Variants in PCDHGA4 observed in about 807,000 individuals in gnomAD.
PCDHGA4 encodes protocadherin gamma subfamily A, 4.
PCDHGA4 carries 38 observed loss-of-function variants against 54.6 expected under a neutral mutation model. That is an observed-to-expected ratio of 0.70 (90% confidence interval 0.54 to 0.91). PCDHGA4 has a LOEUF of 0.91. Ranked by LOEUF, PCDHGA4 falls within the 40% of genes least tolerant of loss-of-function variation. The pLI is 0.00. For synonymous variants in PCDHGA4, 511 were observed against 512.9 expected, an observed-to-expected ratio of 1.00 and a Z score of 0.05; for missense variants, 1,298 against 1,220.9, an observed-to-expected ratio of 1.06 and a Z score of -0.94.
intron 1 of PCDHGA4, chr5:141,415,740 G>GTTTTTTTT (rs57426385): frequency 1.3e-4 from 79 of 625,006 alleles, no homozygotes; most frequent in African/African-American, 1.8e-4. Flanking sequence ...GTTTATTAAG[G>GTTTTTTTT]TTTTTTTTTT....
Position 141,481,556 on chromosome 5 carries a change from G to A in PCDHGA4, c.2515-13251G>A, listed in dbSNP as rs553126587. Among the ~76,000 whole-genome samples the A allele has an allele frequency of 1.2e-4, 18 of 152,266 alleles. No homozygotes were observed. The South Asian group carries it at 1.4e-3, about 12-fold the overall frequency. On this transcript the variant is annotated intron_variant, in intron 1 of 3. Coordinates refer to ENST00000571252, the MANE Select transcript of PCDHGA4 (RefSeq NM_018917.4). ...GATGGGGCTGGGCTCAGTGGCTCAC[G>A]CCTGTAATCCCAGTACTTAGGGAGG...
intron 1 of PCDHGA4, among the ~76,000 whole-genome samples, chr5:141,446,536 GC>G (rs1043723006): frequency 2.0e-5 from 3 of 152,012 alleles, no homozygotes; most frequent in African/African-American, 7.2e-5. Context: ...GAGTGCAGTG[GC>G]CCTATCTCTG....
intron 1 of PCDHGA4, chr5:141,441,665 A>ACAGTG (rs936537442): frequency 7.5e-6 from 2 of 265,720 alleles, no homozygotes; most frequent in African/African-American, 4.7e-5. Flanking sequence ...CCTTGAGCGC[A>ACAGTG]CAGTGCGCCT....
In PCDHGA4 at chr5:141,398,254, A is replaced by G. The variant is rs868152545; in HGVS notation, c.2514+40633A>G. 5.5e-6 allele frequency: 8 copies of G among 1,465,970 alleles called. No homozygotes were observed. In the African/African-American group the frequency reaches 8.6e-5, roughly 16 times the overall value. The allele number at this position is 1,465,970 out of a possible 1,614,324, so 90.8% of individuals were successfully genotyped here. On this transcript the variant is annotated intron_variant, in intron 1 of 3. Transcript: ENST00000571252. ...CTACAGGATTCCCGAGGAAATGCCC[A>G]AGGGCTCCGTAGTGGGGAACCTCGC... is the stretch of plus-strand genomic sequence containing the variant.
At chr5:141,424,982 G>T (rs2096852076) in intron 1 of PCDHGA4, among the ~76,000 whole-genome samples, 1 of 152,106 alleles carries the variant, frequency 6.6e-6, no homozygotes, top group South Asian at 2.1e-4. Context: ...GGATATTTAT[G>T]TTCCCTTTCA....
At chr5:141,410,481 G>A in intron 1 of PCDHGA4, 2 of 1,613,966 alleles carry the variant, frequency 1.2e-6, no homozygotes, top group Non-Finnish European at 1.7e-6. Context: ...GCACATACGG[G>A]TACAAAAGAG....
At chr5:141,369,356 G>GA (rs1766179891) in intron 1 of PCDHGA4, among the ~76,000 whole-genome samples, 1 of 152,234 alleles carries the variant, frequency 6.6e-6, no homozygotes, top group Non-Finnish European at 1.5e-5. Context: ...GATGTAGTAT[G>GA]AAAAAACATC....
Position 141,491,589 on chromosome 5 carries a change from C to T in PCDHGA4, c.2515-3218C>T. 6.2e-7 allele frequency: 1 copy of T among 1,613,926 alleles called. No homozygotes were observed. The highest frequency in any genetic ancestry group is 8.5e-7 in the Non-Finnish European group (1 of 1,180,024). ...GGACGTGCTTTTCACCGGCCTCGGA[C>T]GGCAGTGACTTCACTTTTCTAAGAC... On this transcript the variant is annotated intron_variant, in intron 1 of 3. Transcript: ENST00000571252. This position sits in a 1 kb window ranked among gnomAD's most constrained non-coding sequence, Gnocchi z 6.9.
chr5:141,395,158 A>G, intron 1 of PCDHGA4: 2 of 1,614,208 alleles, frequency 1.2e-6, no homozygotes, highest in Non-Finnish European at 1.7e-6. Context: ...CTCATCAGTC[A>G]GGAGGGCTGT....
chr5:141,360,540 G>T, intron 1 of PCDHGA4: 1 of 1,613,928 alleles, frequency 6.2e-7, no homozygotes, highest in Non-Finnish European at 8.5e-7. Context: ...TATTCAAACA[G>T]ACTAAGATTA....
In PCDHGA4 at chr5:141,390,024, C is replaced by T. The variant is rs1449274096; in HGVS notation, c.2514+32403C>T. ...GATTCTGGCCATTGCCTTGCGCCTG[C>T]GACGCTCCTCCAGCCCCGCCTCCTG... On this transcript the variant is annotated intron_variant, in intron 1 of 3. Transcript: ENST00000571252. 6 of 1,613,926 alleles carry T rather than the reference C, an allele frequency of 3.7e-6. No homozygotes were observed. In the African/African-American group the frequency reaches 4.0e-5, roughly 11 times the overall value.
intron 1 of PCDHGA4, among the ~76,000 whole-genome samples, chr5:141,460,976 T>C (rs1444476508): frequency 7.6e-6 from 1 of 131,636 alleles, no homozygotes; most frequent in Non-Finnish European, 1.6e-5. Flanking sequence ...TGTGTGTGTG[T>C]GTGTGTGTAT....
At chr5:141,375,282 A>G (rs564045445) in intron 1 of PCDHGA4, 6 of 1,613,866 alleles carry the variant, frequency 3.7e-6, no homozygotes, top group Middle Eastern at 1.6e-4. Flanking sequence ...TCAGTTGGCA[A>G]TTATTATCGA....
chr5:141,463,535 G>A (rs1178825067), intron 1 of PCDHGA4, among the ~76,000 whole-genome samples: 4 of 137,928 alleles, frequency 2.9e-5, no homozygotes, highest in East Asian at 2.3e-4. Context: ...TAGAAACTCC[G>A]GCTCCCGGGT....
intron 1 of PCDHGA4, among the ~76,000 whole-genome samples, chr5:141,480,513 C>T (rs1376669385): frequency 7.9e-6 from 1 of 127,246 alleles, no homozygotes. Context: ...ATGAGAACAA[C>T]CAAAAATGAC....
Position 141,476,013 on chromosome 5 carries a change from G to A in PCDHGA4, c.2515-18794G>A. ...AAATCAACGGCATCCAGAAAGCCAT[G>A]TCGGACTCGGCGCCCAGCGCCCAAG... On this transcript the variant is annotated intron_variant, in intron 1 of 3. Coordinates refer to ENST00000571252, the MANE Select transcript of PCDHGA4 (RefSeq NM_018917.4). The surrounding 1 kb of genome is among the most constrained non-coding windows in gnomAD (Gnocchi z 7.6). The A allele has an allele frequency of 7.5e-7, 1 of 1,334,720 alleles. No individual in the cohort carries two copies. The highest frequency in any genetic ancestry group is 1.0e-6 in the Non-Finnish European group (1 of 983,502). 82.7% of individuals were successfully genotyped at this position (1,334,720 alleles called of 1,614,324 possible). A position where few individuals can be genotyped will look rare whatever the true frequency, so the allele number is the denominator to read the frequency against.
At chr5:141,488,913 A>G (rs887938731) in intron 1 of PCDHGA4, among the ~76,000 whole-genome samples, 4 of 152,196 alleles carry the variant, frequency 2.6e-5, no homozygotes, top group African/African-American at 7.2e-5. Flanking sequence ...TGTGTTCCCA[A>G]GGTTTCCAGG....
Position 141,432,388 on chromosome 5 carries a change from C to T in PCDHGA4, c.2515-62419C>T. The T allele has an allele frequency of 6.2e-7, 1 of 1,614,258 alleles. No homozygotes were observed. The highest frequency in any genetic ancestry group is 2.2e-5 in the East Asian group (1 of 44,892). The stretch of plus-strand genomic sequence containing the variant: ...GGGACAACGGGCACCCGCCCCTCAG[C>T]AGCAACGTGTCGTTGAGCCTGTTCG... On this transcript the variant is annotated intron_variant, in intron 1 of 3. Transcript: ENST00000571252. This position sits in a 1 kb window ranked among gnomAD's most constrained non-coding sequence, Gnocchi z 6.0.
At chr5:141,370,978 T>C (rs2149975927) in intron 1 of PCDHGA4, 1 of 1,613,976 alleles carries the variant, frequency 6.2e-7, no homozygotes, top group Non-Finnish European at 8.5e-7. Flanking sequence ...CCAGAGCTAG[T>C]ACTGAAAGCA....
Sources: gnomAD v4.1 joint callset for allele counts (sites outside exome capture counted in the v4.1 genomes callset) on GRCh38, gnomAD v4.1.1 for gene constraint, Gnocchi (gnomAD v3.1) non-coding constraint, MANE v1.5 for transcripts, NCBI Gene and HGNC (gene_info 2026-07-23, HGNC 2026-07-21) for gene names.